DLGAP1: variants seen among roughly 807,000 people sequenced by gnomAD.
DLGAP1 encodes the protein disks large-associated protein 1.
In DLGAP1, 11 loss-of-function variants were observed where a neutral mutation model predicts 90.8. That is an observed-to-expected ratio of 0.12 (90% CI 0.08 to 0.20). The LOEUF is 0.20. Among genes scored for constraint, DLGAP1 ranks in the 10% least tolerant of loss-of-function variants. The pLI, the probability that DLGAP1 is intolerant of heterozygous loss-of-function variation, is 1.00. For missense variants in DLGAP1, 1,050 were observed against 1,333.8 expected (o/e 0.79, Z 3.31); for synonymous variants, 558 against 540.7 (o/e 1.03, Z -0.44).
At chr18:4,394,207 AG>A (rs1239581196) in intron 1 of DLGAP1, among the ~76,000 whole-genome samples, 1 of 152,240 alleles carries the variant, frequency 6.6e-6, no homozygotes, top group Non-Finnish European at 1.5e-5. Context: ...GATGACTATG[AG>A]TTCCATGAGC....
intron 5 of DLGAP1, among the ~76,000 whole-genome samples, chr18:3,752,994 T>A (rs1247152159): frequency 6.6e-6 from 1 of 152,214 alleles, no homozygotes; most frequent in Non-Finnish European, 1.5e-5. Context: ...TAAACAATCA[T>A]GTAAAAGTTT....
rs113876490 is a variant in DLGAP1 at position 4,435,205 on chromosome 18, C to T, written c.-267+19801G>A. Among the ~76,000 whole-genome samples the T allele has an allele frequency of 3.9e-5, 6 of 152,218 alleles. 1 individual carries two copies. Among genetic ancestry groups the T allele is most frequent in the African/African-American group, 1.4e-4 (6 of 41,548 alleles). On this transcript the variant is annotated intron_variant, in intron 1 of 12. Transcript: ENST00000315677. ...GGGAAAAGAGATGATGCAGGTATCA[C>T]GTACCAGAGAATCCCGAGTTGTGGA...
Position 4,140,568 on chromosome 18 carries a change from C to T in DLGAP1, c.-159+10612G>A, listed in dbSNP as rs1262690789. On this transcript the variant is annotated intron_variant, in intron 2 of 12. Transcript: ENST00000315677. ...GTCAAGATACGAATAGTTTATACACCACAATTTACAACACCACAGTGTTGT... is the reference window on the plus strand; with the variant it reads ...GTCAAGATACGAATAGTTTATACACTACAATTTACAACACCACAGTGTTGT... Among the ~76,000 whole-genome samples, 6 of 151,800 alleles carry T rather than the reference C, an allele frequency of 4.0e-5. No homozygotes were observed. The East Asian group carries it at 9.6e-4, about 24-fold the overall frequency.
At chr18:3,817,451 T>G (rs945717602) in intron 4 of DLGAP1, among the ~76,000 whole-genome samples, 1 of 152,184 alleles carries the variant, frequency 6.6e-6, no homozygotes, top group Admixed American at 6.5e-5. Context: ...GGAATTTGAA[T>G]AGTAATACAT....
chr18:3,674,269 A>C (rs1169554596), intron 7 of DLGAP1, among the ~76,000 whole-genome samples: 8 of 137,624 alleles, frequency 5.8e-5, no homozygotes, highest in African/African-American at 2.2e-4. Context: ...TGGGCAACAG[A>C]GTGAGATCTT....
At chr18:4,291,436 C>A (rs1395096931) in intron 1 of DLGAP1, among the ~76,000 whole-genome samples, 1 of 152,060 alleles carries the variant, frequency 6.6e-6, no homozygotes, top group Non-Finnish European at 1.5e-5. Context: ...ATAGAACTTT[C>A]CACAACAAGA....
chr18:3,681,928 G>A (rs1474765593), intron 7 of DLGAP1, among the ~76,000 whole-genome samples: 1 of 151,908 alleles, frequency 6.6e-6, no homozygotes, highest in Non-Finnish European at 1.5e-5. Flanking sequence ...GACCAGCCTG[G>A]CCAACATGGT....
chr18:4,169,793 T>A (rs1305818871), intron 1 of DLGAP1, among the ~76,000 whole-genome samples: 1 of 152,236 alleles, frequency 6.6e-6, no homozygotes, highest in Admixed American at 6.5e-5. Flanking sequence ...TCTTCATAGT[T>A]GTGCCATTGT....
intron 7 of DLGAP1, among the ~76,000 whole-genome samples, chr18:3,645,095 A>G (rs55648529): frequency 0.059 from 9,046 of 152,098 alleles, 675 homozygotes; most frequent in East Asian, 0.19. Context: ...CTCGTATTTT[A>G]ATTTTTTTGT....
intron 3 of DLGAP1, chr18:3,983,877 C>T (rs2073788265): frequency 6.6e-6 from 1 of 152,134 alleles, no homozygotes; most frequent in African/African-American, 2.4e-5. Context: ...GACAACACCC[C>T]TATAATGACT....
intron 2 of DLGAP1, among the ~76,000 whole-genome samples, chr18:4,018,859 T>C (rs1490786764): frequency 6.6e-6 from 1 of 152,216 alleles, no homozygotes; most frequent in Non-Finnish European, 1.5e-5. Context: ...ATGGAAAAGG[T>C]ACTCCGATTT....
chr18:3,587,512 A>G (rs1490083492), intron 7 of DLGAP1, among the ~76,000 whole-genome samples: 1 of 152,076 alleles, frequency 6.6e-6, no homozygotes, highest in Non-Finnish European at 1.5e-5. Flanking sequence ...ACCAATCAAC[A>G]CTCTGTAAAA....
At chr18:3,622,198 A>G (rs1186312434) in intron 7 of DLGAP1, among the ~76,000 whole-genome samples, 6 of 151,214 alleles carry the variant, frequency 4.0e-5, no homozygotes, top group Non-Finnish European at 5.9e-5. Context: ...TCCGCCTCCC[A>G]GGTTCATGCC....
intron 7 of DLGAP1, among the ~76,000 whole-genome samples, chr18:3,695,030 C>T (rs2147064730): frequency 6.6e-6 from 1 of 151,104 alleles, no homozygotes; most frequent in East Asian, 1.9e-4. Flanking sequence ...AGCTCCGCCT[C>T]CTGGGTTCAT....
At chr18:4,115,792 T>C (rs993159072) in intron 2 of DLGAP1, among the ~76,000 whole-genome samples, 8 of 152,346 alleles carry the variant, frequency 5.3e-5, no homozygotes, top group African/African-American at 1.4e-4. Flanking sequence ...TACTGTGATA[T>C]AGTTTTGCTC....
chr18:3,696,786 T>C (rs1049427531), intron 7 of DLGAP1, among the ~76,000 whole-genome samples: 6 of 152,332 alleles, frequency 3.9e-5, no homozygotes, highest in African/African-American at 1.4e-4. Flanking sequence ...CAGCTCCTCT[T>C]TGTACCTCTG....
intron 1 of DLGAP1, among the ~76,000 whole-genome samples, chr18:4,174,684 C>T (rs1468803451): frequency 1.3e-5 from 2 of 152,134 alleles, no homozygotes; most frequent in African/African-American, 4.8e-5. Context: ...AAGTGCAGAA[C>T]ATGCTGGTTT....
chr18:4,373,870 C>T (rs138702860), intron 1 of DLGAP1, among the ~76,000 whole-genome samples: 2 of 151,790 alleles, frequency 1.3e-5, no homozygotes, highest in East Asian at 1.9e-4. Context: ...TAGATAGGAG[C>T]AAGTTTGCTA....
intron 4 of DLGAP1, among the ~76,000 whole-genome samples, chr18:3,831,795 A>G (rs935646995): frequency 1.3e-5 from 2 of 152,212 alleles, no homozygotes; most frequent in Non-Finnish European, 2.9e-5. Flanking sequence ...CTTTCAACAA[A>G]TTCTGTGAAA....
Sources: allele counts gnomAD v4.1 joint callset (sites outside exome capture counted in the v4.1 genomes callset), GRCh38; gene constraint gnomAD v4.1.1; transcripts MANE v1.5; gene names NCBI Gene and HGNC (gene_info 2026-07-23, HGNC 2026-07-21).